Variants in CNTNAP5 observed in about 807,000 individuals in gnomAD.
CNTNAP5 encodes contactin associated protein family member 5, also known as contactin-associated protein-like 5.
CNTNAP5 carries 72 observed loss-of-function variants against 150.2 expected under a neutral mutation model. That is an observed-to-expected ratio of 0.48 (90% CI 0.40 to 0.58). CNTNAP5 has a LOEUF of 0.58. Among genes scored for constraint, CNTNAP5 ranks in the 20% least tolerant of loss-of-function variants. The pLI is 0.00. For synonymous variants in CNTNAP5, 672 were observed against 619.8 expected, an observed-to-expected ratio of 1.08 and a Z score of -1.25; for missense variants, 1,636 against 1,626.2, an observed-to-expected ratio of 1.01 and a Z score of -0.10.
intron 13 of CNTNAP5, among the ~76,000 whole-genome samples, chr2:124,660,699 G>A (rs761900435): frequency 6.6e-6 from 1 of 151,930 alleles, no homozygotes; most frequent in Non-Finnish European, 1.5e-5. Context: ...ACTGAATACT[G>A]TAGGCAACTA....
At chr2:124,203,330 C>A (rs536834376) in intron 1 of CNTNAP5, among the ~76,000 whole-genome samples, 7 of 152,278 alleles carry the variant, frequency 4.6e-5, no homozygotes, top group Admixed American at 2.0e-4. Context: ...CAGGGTACAG[C>A]ACCCCCTCCT....
At chr2:124,476,796 G>T (rs966571752) in intron 7 of CNTNAP5, among the ~76,000 whole-genome samples, 1 of 151,944 alleles carries the variant, frequency 6.6e-6, no homozygotes, top group Non-Finnish European at 1.5e-5. Flanking sequence ...TTTGGCTTAG[G>T]GAGAGAAGTC....
chr2:124,346,977 T>C (rs1466795945), intron 3 of CNTNAP5, among the ~76,000 whole-genome samples: 1 of 150,026 alleles, frequency 6.7e-6, no homozygotes, highest in Non-Finnish European at 1.5e-5. Context: ...TAGTCCCAGC[T>C]ACTCAGGATG....
intron 1 of CNTNAP5, among the ~76,000 whole-genome samples, chr2:124,175,195 G>A (rs1352594289): frequency 1.6e-5 from 2 of 123,244 alleles, no homozygotes; most frequent in African/African-American, 6.1e-5. Context: ...ATGTCTGTAT[G>A]GGCATGTATA....
At chr2:124,553,716 C>A (rs1463650603) in intron 10 of CNTNAP5, among the ~76,000 whole-genome samples, 1 of 152,020 alleles carries the variant, frequency 6.6e-6, no homozygotes, top group Non-Finnish European at 1.5e-5. Context: ...AACAACTTGG[C>A]CAATAGATTA....
At chr2:124,160,144 T>C (rs1001471205) in intron 1 of CNTNAP5, among the ~76,000 whole-genome samples, 1 of 152,110 alleles carries the variant, frequency 6.6e-6, no homozygotes, top group African/African-American at 2.4e-5. Context: ...GGAGAGCAGA[T>C]GGTATAATTC....
chr2:124,468,827 C>T (rs759038623), intron 6 of CNTNAP5, among the ~76,000 whole-genome samples: 9 of 152,170 alleles, frequency 5.9e-5, no homozygotes, highest in Non-Finnish European at 8.8e-5. Flanking sequence ...TTGCCTGCCT[C>T]ACACTGTGCT....
chr2:124,805,153 T>C (rs1277761506), intron 19 of CNTNAP5, among the ~76,000 whole-genome samples: 1 of 152,116 alleles, frequency 6.6e-6, no homozygotes, highest in Admixed American at 6.6e-5. Context: ...AAAGATAAGG[T>C]ACAGGGTGTC....
intron 1 of CNTNAP5, among the ~76,000 whole-genome samples, chr2:124,080,972 A>C (rs990724677): frequency 2.0e-5 from 3 of 152,170 alleles, no homozygotes; most frequent in African/African-American, 7.2e-5. Context: ...TCTAGTGATA[A>C]GTAGTCATTT....
chr2:124,275,971 T>C (rs1573884750), intron 3 of CNTNAP5, among the ~76,000 whole-genome samples: 2 of 152,202 alleles, frequency 1.3e-5, no homozygotes, highest in Admixed American at 1.3e-4. Flanking sequence ...AACTGTCTAA[T>C]GTCTGCCAAG....
intron 21 of CNTNAP5, among the ~76,000 whole-genome samples, chr2:124,887,782 A>T (rs1573689320): frequency 1.3e-5 from 2 of 152,214 alleles, no homozygotes; most frequent in East Asian, 3.9e-4. Context: ...CCCCGTGTAC[A>T]GCCTGGTCTT....
intron 3 of CNTNAP5, among the ~76,000 whole-genome samples, chr2:124,355,854 G>A (rs893360021): frequency 1.3e-5 from 2 of 152,120 alleles, no homozygotes; most frequent in Non-Finnish European, 1.5e-5. Flanking sequence ...CCATTTCTAT[G>A]GTTAGAAAGA....
At chr2:124,325,759 T>C (rs1457434213) in intron 3 of CNTNAP5, among the ~76,000 whole-genome samples, 1 of 152,170 alleles carries the variant, frequency 6.6e-6, no homozygotes, top group Non-Finnish European at 1.5e-5. Context: ...CATTTAACTA[T>C]ATATTGCAAA....
At chr2:124,848,227 A>G (rs1052089618) in intron 19 of CNTNAP5, among the ~76,000 whole-genome samples, 1 of 152,194 alleles carries the variant, frequency 6.6e-6, no homozygotes, top group Admixed American at 6.5e-5. Context: ...TTCTGCTTCT[A>G]TGATTTCTAC....
intron 7 of CNTNAP5, among the ~76,000 whole-genome samples, chr2:124,498,558 G>A (rs748462189): frequency 9.9e-5 from 15 of 152,204 alleles, no homozygotes; most frequent in South Asian, 4.1e-4. Flanking sequence ...CACCTCAGCC[G>A]TTCTAAGTGC....
At chr2:124,913,477 C>T (rs918172481) in intron 23 of CNTNAP5, among the ~76,000 whole-genome samples, 1 of 152,050 alleles carries the variant, frequency 6.6e-6, no homozygotes, top group African/African-American at 2.4e-5. Context: ...TCTCAGTTGA[C>T]TTTGAGTTTC....
At chr2:124,387,728 C>T (rs1356880769) in intron 3 of CNTNAP5, among the ~76,000 whole-genome samples, 1 of 151,060 alleles carries the variant, frequency 6.6e-6, no homozygotes, top group Non-Finnish European at 1.5e-5. Context: ...ATTTTTACTT[C>T]TTTTGTGGAT....
Position 124,284,850 on chromosome 2 carries a change from G to A in CNTNAP5, c.381+42457G>A, listed in dbSNP as rs571052885. Among the ~76,000 whole-genome samples the A allele has an allele frequency of 2.6e-5, 4 of 152,220 alleles. No individual in the cohort carries two copies. The South Asian group carries it at 8.3e-4, about 32-fold the overall frequency. On this transcript the variant is annotated intron_variant, in intron 3 of 23. Coordinates refer to ENST00000682447, the MANE Select transcript of CNTNAP5 (RefSeq NM_001367498.1). ...GGCAGAAGCAGTAGGCTATCCCCAA[G>A]AACACATGAGTCAGTGGGGAATGAG...
intron 12 of CNTNAP5, among the ~76,000 whole-genome samples, chr2:124,640,161 T>C (rs1195735785): frequency 3.3e-5 from 5 of 152,018 alleles, no homozygotes; most frequent in Non-Finnish European, 5.9e-5. Context: ...ACAAATATGA[T>C]ACAGTGCACA....
Sources: allele counts gnomAD v4.1 joint callset (sites outside exome capture counted in the v4.1 genomes callset), GRCh38; gene constraint gnomAD v4.1.1; transcripts MANE v1.5; gene names NCBI Gene and HGNC (gene_info 2026-07-23, HGNC 2026-07-21).